The following KLF13 variants were observed in gnomAD, a reference collection of about 807,000 sequenced individuals.
KLF13 encodes the protein Krueppel-like factor 13.
KLF13 carries 8 observed loss-of-function variants against 16.7 expected under a neutral mutation model. The observed-to-expected ratio is 0.48, with a 90% CI of 0.28 to 0.87. KLF13 has a LOEUF of 0.87. Among genes scored for constraint, KLF13 ranks in the 40% least tolerant of loss-of-function variants. KLF13 has a pLI of 0.10. For missense variants in KLF13, 447 were observed against 452.2 expected, an observed-to-expected ratio of 0.99 and a Z score of 0.10; for synonymous variants, 245 against 208.4, an observed-to-expected ratio of 1.18 and a Z score of -1.51.
chr15:31,388,605 CA>C (rs5811640), upstream of KLF13, among the ~76,000 whole-genome samples: 32,097 of 92,142 alleles, frequency 0.35, 3,171 homozygotes, highest in East Asian at 0.4. Flanking sequence ...AACTCTGTCT[CA>C]AAAAAAAAAA....
At chr15:31,417,261 G>A (rs1334713266) in intron 1 of KLF13, among the ~76,000 whole-genome samples, 1 of 152,042 alleles carries the variant, frequency 6.6e-6, no homozygotes, top group Non-Finnish European at 1.5e-5. Flanking sequence ...TTGGGAGGCC[G>A]AGATGGGAGG....
In KLF13 at chr15:31,376,596, C is replaced by T. The variant is rs1253043261; in HGVS notation, c.*4297C>T. 1 of 152,686 alleles carries T rather than the reference C, an allele frequency of 6.5e-6. No individual in the cohort carries two copies. Among genetic ancestry groups the T allele is most frequent in the Non-Finnish European group, 1.5e-5 (1 of 68,052 alleles). The allele number at this position is 152,686 out of a possible 1,614,324, so 9.5% of individuals were successfully genotyped here. ...TACTAATTTTCCTGATTCTGAGGCT[C>T]TGAAGGCTTGTCTGAGACACATTCC... On this transcript the variant is annotated 3_prime_UTR_variant, in exon 2 of 2. Coordinates refer to ENST00000307145, the MANE Select transcript of KLF13 (RefSeq NM_015995.4).
chr15:31,362,866 G>A (rs1446597534), intron 1 of KLF13, among the ~76,000 whole-genome samples: 1 of 152,108 alleles, frequency 6.6e-6, no homozygotes, highest in African/African-American at 2.4e-5. Flanking sequence ...TTCCATATCA[G>A]TTTGTAAAGA....
chr15:31,419,115 C>T (rs1399447059), intron 1 of KLF13, among the ~76,000 whole-genome samples: 1 of 152,024 alleles, frequency 6.6e-6, no homozygotes. Context: ...ATGGTGCATC[C>T]CCCCAGAAAA....
upstream of KLF13, among the ~76,000 whole-genome samples, chr15:31,391,192 G>T (rs1476498279): frequency 1.2e-5 from 1 of 80,054 alleles, no homozygotes; most frequent in African/African-American, 5.1e-5. Flanking sequence ...GGCCTCTGGG[G>T]GTGCTCTGTG....
downstream of KLF13, among the ~76,000 whole-genome samples, chr15:31,380,629 G>A (rs2039711999): frequency 6.6e-6 from 1 of 152,180 alleles, no homozygotes; most frequent in Admixed American, 6.5e-5. Flanking sequence ...AGCTTATTCT[G>A]GGGACATGGG....
rs540437522 is a variant in KLF13, at chr15:31,351,348, C to A, written c.578-20662C>A. 2.0e-5 allele frequency among the ~76,000 whole-genome samples: 3 copies of A among 152,358 alleles called. No homozygotes were observed. In the South Asian group the frequency reaches 6.2e-4, roughly 32 times the overall value. ...AATCAATAACTTTAATCCCACCACT[C>A]ACAAGTCACCACTGTTAAAACGTGG... On this transcript the variant is annotated intron_variant, in intron 1 of 1. Transcript: ENST00000307145.
intron 1 of KLF13, among the ~76,000 whole-genome samples, chr15:31,354,436 A>C (rs779189903): frequency 6.6e-6 from 1 of 152,194 alleles, no homozygotes; most frequent in Non-Finnish European, 1.5e-5. Flanking sequence ...GCTGGAGTGC[A>C]ATGGCGCGAT....
chr15:31,378,710 C>CT (rs1270492797), downstream of KLF13, among the ~76,000 whole-genome samples: 2 of 152,012 alleles, frequency 1.3e-5, no homozygotes, highest in Middle Eastern at 6.3e-3. Flanking sequence ...TGTTCTTTTT[C>CT]TTTTTTTTGA....
intron 2 of KLF13, among the ~76,000 whole-genome samples, chr15:31,400,147 C>T (rs4779525): frequency 1.3e-5 from 2 of 152,132 alleles, no homozygotes; most frequent in Non-Finnish European, 2.9e-5. Context: ...GTTCCACCCC[C>T]ACTCTGCTCT....
chr15:31,339,085 G>A (rs773685217), intron 1 of KLF13, among the ~76,000 whole-genome samples: 1 of 152,230 alleles, frequency 6.6e-6, no homozygotes, highest in South Asian at 2.1e-4. Context: ...GTTGGGAGGA[G>A]GTGGCTTGGC....
At chr15:31,380,483 G>A (rs1002583672), downstream of KLF13, among the ~76,000 whole-genome samples, 7 of 152,168 alleles carry the variant, frequency 4.6e-5, no homozygotes, top group Non-Finnish European at 5.9e-5. Flanking sequence ...TTTTCCAAGT[G>A]GACTCACTGG....
chr15:31,416,673 A>G (rs1459829247), intron 1 of KLF13, among the ~76,000 whole-genome samples: 2 of 152,216 alleles, frequency 1.3e-5, no homozygotes, highest in Non-Finnish European at 2.9e-5. Flanking sequence ...ATCAAATATC[A>G]TACTTAATAG....
intron 1 of KLF13, among the ~76,000 whole-genome samples, chr15:31,358,884 G>A (rs372844011): frequency 2.6e-5 from 4 of 152,334 alleles, no homozygotes; most frequent in East Asian, 1.9e-4. Flanking sequence ...ACTGGCTCCT[G>A]AAGCCAGGGA....
At chr15:31,362,125 G>C (rs1450240419) in intron 1 of KLF13, among the ~76,000 whole-genome samples, 1 of 152,180 alleles carries the variant, frequency 6.6e-6, no homozygotes, top group Non-Finnish European at 1.5e-5. Context: ...TATGGCAGGA[G>C]TGTGGTATTC....
At chr15:31,367,979 C>G (rs1033881370) in intron 1 of KLF13, among the ~76,000 whole-genome samples, 1 of 152,044 alleles carries the variant, frequency 6.6e-6, no homozygotes, top group Non-Finnish European at 1.5e-5. Flanking sequence ...GAGGGAGAAT[C>G]CACTCCATAC....
chr15:31,357,846 G>C (rs1487462385), intron 1 of KLF13, among the ~76,000 whole-genome samples: 1 of 152,140 alleles, frequency 6.6e-6, no homozygotes, highest in African/African-American at 2.4e-5. Context: ...AGCCTTTGTG[G>C]GGAAACGTGG....
chr15:31,410,520 T>C (rs1299845438), intron 1 of KLF13, among the ~76,000 whole-genome samples: 1 of 151,830 alleles, frequency 6.6e-6, no homozygotes, highest in African/African-American at 2.4e-5. Flanking sequence ...AATATAAAGA[T>C]ATAAATGAGT....
rs200060138 is a variant in KLF13 at position 31,410,356 on chromosome 15, G to A, written n.117+16665G>A. On this transcript the variant is annotated intron_variant and non_coding_transcript_variant, in intron 1 of 1. Coordinates refer to the KLF13 transcript ENST00000558225. ...TAAAAAAGTACAGAGGGACCAAAAA[G>A]AAAACAGGTAGCAAGATGAAAGATT... is the stretch of plus-strand genomic sequence containing the variant. Among the ~76,000 whole-genome samples the A allele has an allele frequency of 4.0e-5, 6 of 151,702 alleles. No individual in the cohort carries two copies. The East Asian group carries it at 1.2e-3, about 29-fold the overall frequency.
Sources: gnomAD v4.1 joint callset for allele counts (sites outside exome capture counted in the v4.1 genomes callset) on GRCh38, gnomAD v4.1.1 for gene constraint, MANE v1.5 for transcripts, NCBI Gene and HGNC (gene_info 2026-07-23, HGNC 2026-07-21) for gene names.